The following TNIK variants were observed in gnomAD, a reference collection of about 807,000 sequenced individuals.
TNIK encodes the protein TRAF2 and NCK-interacting protein kinase.
A neutral mutation model predicts 191.3 loss-of-function variants in TNIK; 49 were observed. That is an observed-to-expected ratio of 0.26 (90% CI 0.20 to 0.32). TNIK has a LOEUF of 0.32. TNIK is among the 10% of genes least tolerant of loss of function. TNIK has a pLI of 1.00. For synonymous variants in TNIK, 594 were observed against 600.9 expected (o/e 0.99, Z 0.17); for missense variants, 1,155 against 1,702.3 (o/e 0.68, Z 5.66).
intron 1 of TNIK, among the ~76,000 whole-genome samples, chr3:171,376,689 C>A (rs1238330139): frequency 6.8e-6 from 1 of 147,940 alleles, no homozygotes; most frequent in East Asian, 1.9e-4. Context: ...GAAGTCATCT[C>A]AACTGGAATA....
chr3:171,297,450 A>T (rs763330544), intron 2 of TNIK, among the ~76,000 whole-genome samples: 4 of 152,196 alleles, frequency 2.6e-5, no homozygotes, highest in African/African-American at 9.7e-5. Flanking sequence ...CCCTCAAGTG[A>T]TATTAATAAA....
chr3:171,378,488 GC>G (rs1717571529), intron 1 of TNIK, among the ~76,000 whole-genome samples: 1 of 152,094 alleles, frequency 6.6e-6, no homozygotes, highest in Admixed American at 6.5e-5. Context: ...TATTGTAAGT[GC>G]TTAAAAAGTG....
chr3:171,316,900 C>T (rs768872233), intron 2 of TNIK, among the ~76,000 whole-genome samples: 4 of 146,774 alleles, frequency 2.7e-5, no homozygotes, highest in Non-Finnish European at 6.0e-5. Flanking sequence ...TTTATAATTA[C>T]ACAATTATAT....
intron 1 of TNIK, among the ~76,000 whole-genome samples, chr3:171,371,409 C>T (rs764634508): frequency 2.0e-5 from 3 of 152,178 alleles, no homozygotes; most frequent in Non-Finnish European, 2.9e-5. Flanking sequence ...GCAAACAAAG[C>T]ACCCAACAGA....
chr3:171,454,005 A>G (rs1213913127), intron 1 of TNIK, among the ~76,000 whole-genome samples: 1 of 152,246 alleles, frequency 6.6e-6, no homozygotes, highest in African/African-American at 2.4e-5. Flanking sequence ...ATATGTGCAG[A>G]ATAACATTTC....
At chr3:171,217,535 T>C (rs1741592452) in intron 3 of TNIK, among the ~76,000 whole-genome samples, 1 of 151,824 alleles carries the variant, frequency 6.6e-6, no homozygotes, top group African/African-American at 2.4e-5. Context: ...ACCTCCTGAG[T>C]CTAAAATAAC....
intron 15 of TNIK, among the ~76,000 whole-genome samples, chr3:171,134,657 A>G (rs59837650): frequency 0.13 from 19,335 of 152,216 alleles, 1,797 homozygotes; most frequent in African/African-American, 0.26. Context: ...CAGGACAGAA[A>G]GAATACTCAG....
intron 18 of TNIK, among the ~76,000 whole-genome samples, chr3:171,115,860 G>C (rs1726605599): frequency 6.6e-6 from 1 of 152,222 alleles, no homozygotes; most frequent in African/African-American, 2.4e-5. Flanking sequence ...GTGATGTCCT[G>C]TGTGAAAAAG....
intron 27 of TNIK, among the ~76,000 whole-genome samples, chr3:171,080,315 C>G (rs761613968): frequency 6.6e-6 from 1 of 152,072 alleles, no homozygotes; most frequent in Non-Finnish European, 1.5e-5. Context: ...ATGATTTGCA[C>G]CAGATAAAAT....
intron 2 of TNIK, among the ~76,000 whole-genome samples, chr3:171,296,433 C>T (rs2108256267): frequency 6.6e-6 from 1 of 152,264 alleles, no homozygotes; most frequent in South Asian, 2.1e-4. Context: ...TGGAGGTTCC[C>T]CAGATAATGT....
At chr3:171,113,807 G>A (rs78557524) in intron 18 of TNIK, among the ~76,000 whole-genome samples, 3,551 of 151,926 alleles carry the variant, frequency 0.023, 146 homozygotes, top group African/African-American at 0.082. Context: ...CACAGCCTGT[G>A]CCCTCTGTGA....
intron 2 of TNIK, among the ~76,000 whole-genome samples, chr3:171,295,852 G>A (rs1396691259): frequency 1.3e-5 from 2 of 152,108 alleles, no homozygotes; most frequent in African/African-American, 4.8e-5. Flanking sequence ...AAGAGAGAGT[G>A]CCAGCTCTTT....
At chr3:171,201,118 G>T (rs952861545) in intron 4 of TNIK, among the ~76,000 whole-genome samples, 1 of 152,154 alleles carries the variant, frequency 6.6e-6, no homozygotes, top group African/African-American at 2.4e-5. Flanking sequence ...AAATAATAGG[G>T]GCTGGGCACA....
intron 4 of TNIK, among the ~76,000 whole-genome samples, chr3:171,210,704 A>AT (rs1232890025): frequency 1.6e-4 from 25 of 152,300 alleles, no homozygotes; most frequent in East Asian, 1.3e-3. Context: ...CAGTTTATTC[A>AT]TTTTTTCTGT....
chr3:171,370,832 A>G (rs1221456446), intron 1 of TNIK, among the ~76,000 whole-genome samples: 1 of 152,198 alleles, frequency 6.6e-6, no homozygotes, highest in Non-Finnish European at 1.5e-5. Context: ...CCTATTTTTT[A>G]AGTTTTAGGC....
chr3:171,289,861 C>A (rs1489507512), intron 2 of TNIK, among the ~76,000 whole-genome samples: 2 of 147,728 alleles, frequency 1.4e-5, no homozygotes, highest in Non-Finnish European at 3.0e-5. Flanking sequence ...GACATGGCGC[C>A]ACTGCACTCC....
intron 2 of TNIK, among the ~76,000 whole-genome samples, chr3:171,240,081 T>A (rs1744766241): frequency 6.6e-6 from 1 of 152,210 alleles, no homozygotes; most frequent in Non-Finnish European, 1.5e-5. Flanking sequence ...GATCCAACTG[T>A]GACCTATCAG....
intron 3 of TNIK, among the ~76,000 whole-genome samples, chr3:171,223,261 T>C (rs1742579124): frequency 6.6e-6 from 1 of 152,190 alleles, no homozygotes; most frequent in Non-Finnish European, 1.5e-5. Context: ...GTGAGGACTG[T>C]CTCCTCACAG....
intron 19 of TNIK, among the ~76,000 whole-genome samples, chr3:171,110,374 G>C (rs1396123687): frequency 6.6e-6 from 1 of 152,180 alleles, no homozygotes; most frequent in African/African-American, 2.4e-5. Context: ...GGACATTTGT[G>C]GGTACATGAA....
Sources: allele counts gnomAD v4.1 joint callset (sites outside exome capture counted in the v4.1 genomes callset), GRCh38; gene constraint gnomAD v4.1.1; transcripts MANE v1.5; gene names NCBI Gene and HGNC (gene_info 2026-07-23, HGNC 2026-07-21).